The following MLIP variants were observed in gnomAD, a reference collection of about 807,000 sequenced individuals.
The protein encoded by MLIP is muscular LMNA interacting protein.
In MLIP, 79 loss-of-function variants were observed where a neutral mutation model predicts 84.8. The observed-to-expected ratio is 0.93, with a 90% CI of 0.78 to 1.12. The LOEUF (loss-of-function observed/expected upper bound fraction) is 1.12, where lower values mean the gene tolerates loss of function less well. Among genes scored for constraint, MLIP ranks in the 50% most tolerant of loss-of-function variants. The pLI, the probability that MLIP is intolerant of heterozygous loss-of-function variation, is 0.00. For missense variants in MLIP, 1,257 were observed against 1,160.6 expected (o/e 1.08, Z -1.21); for synonymous variants, 504 against 463.0 (o/e 1.09, Z -1.14).
chr6:54,076,980 A>G (rs1766843447), intron 1 of MLIP, among the ~76,000 whole-genome samples: 1 of 152,206 alleles, frequency 6.6e-6, no homozygotes, highest in Non-Finnish European at 1.5e-5. Flanking sequence ...GCTCTAGTCC[A>G]GGAGCAAAGG....
At chr6:54,260,934 T>C (rs1199678241) in intron 13 of MLIP, among the ~76,000 whole-genome samples, 1 of 151,904 alleles carries the variant, frequency 6.6e-6, no homozygotes, top group Non-Finnish European at 1.5e-5. Context: ...AAATACATGG[T>C]CACTGATGAA....
intron 1 of MLIP, among the ~76,000 whole-genome samples, chr6:54,118,907 C>A (rs551589543): frequency 6.6e-6 from 1 of 152,032 alleles, no homozygotes; most frequent in Non-Finnish European, 1.5e-5. Context: ...AGGTATATGG[C>A]CAATAGGTAT....
At chr6:54,171,359 T>C (rs1467562678) in intron 9 of MLIP, among the ~76,000 whole-genome samples, 1 of 151,640 alleles carries the variant, frequency 6.6e-6, no homozygotes, top group Non-Finnish European at 1.5e-5. Context: ...TTGACCTTAA[T>C]TAAAATTCGT....
At chr6:54,097,433 G>C (rs760655006) in intron 1 of MLIP, among the ~76,000 whole-genome samples, 6 of 152,122 alleles carry the variant, frequency 3.9e-5, no homozygotes, top group Non-Finnish European at 7.4e-5. Context: ...TAGTAAAGGA[G>C]GCTGAAGAGT....
chr6:54,192,446 A>G (rs779661562), intron 10 of MLIP, among the ~76,000 whole-genome samples: 1 of 152,050 alleles, frequency 6.6e-6, no homozygotes, highest in Non-Finnish European at 1.5e-5. Context: ...ATATTATAGG[A>G]CATGTACTTC....
At position 54,047,929 on chromosome 6, in the gene MLIP, C is replaced by G. The variant is rs146808997; in HGVS notation, c.63+28838C>G. 2.6e-5 allele frequency among the ~76,000 whole-genome samples: 4 copies of G among 152,294 alleles called. No homozygotes were observed. The East Asian group carries it at 7.7e-4, about 29-fold the overall frequency. ...ATGTACTATATGTAGGGCACAAACTCAGGACTGTGCTCTTAACTTCTCTGC... is the reference window on the plus strand; with the variant it reads ...ATGTACTATATGTAGGGCACAAACTGAGGACTGTGCTCTTAACTTCTCTGC... On this transcript the variant is annotated intron_variant, in intron 1 of 12. Transcript: ENST00000274897.
chr6:54,229,549 T>C (rs964380767), intron 11 of MLIP, among the ~76,000 whole-genome samples: 1 of 152,138 alleles, frequency 6.6e-6, no homozygotes, highest in African/African-American at 2.4e-5. Context: ...CCCCAGTATG[T>C]GTTGTTCCCC....
At chr6:54,188,022 T>C (rs1232176245) in intron 9 of MLIP, among the ~76,000 whole-genome samples, 1 of 152,140 alleles carries the variant, frequency 6.6e-6, no homozygotes, top group South Asian at 2.1e-4. Flanking sequence ...AAAAAATGTA[T>C]ATACATTAAC....
chr6:54,021,066 AT>A (rs1763473274), intron 1 of MLIP, among the ~76,000 whole-genome samples: 1 of 152,236 alleles, frequency 6.6e-6, no homozygotes. Flanking sequence ...AGGGTTTCCA[AT>A]AAAAGTTATT....
At chr6:54,261,756 C>T (rs966346915) in intron 13 of MLIP, 3 of 984,144 alleles carry the variant, frequency 3.0e-6, no homozygotes, top group African/African-American at 1.7e-5. Flanking sequence ...AAGCCACTCT[C>T]ATTTTCTGGT....
intron 1 of MLIP, among the ~76,000 whole-genome samples, chr6:54,112,748 T>C (rs775581439): frequency 2.6e-5 from 4 of 152,234 alleles, no homozygotes; most frequent in Non-Finnish European, 5.9e-5. Flanking sequence ...AACAATAAAT[T>C]AGAAAGAAAT....
intron 11 of MLIP, among the ~76,000 whole-genome samples, chr6:54,219,809 C>A (rs575426969): frequency 6.6e-6 from 1 of 152,306 alleles, no homozygotes; most frequent in East Asian, 1.9e-4. Flanking sequence ...TCAGGCCTTT[C>A]TAACTTGGGG....
chr6:54,042,087 C>A (rs1319541673), intron 1 of MLIP, among the ~76,000 whole-genome samples: 17 of 152,176 alleles, frequency 1.1e-4, no homozygotes, highest in South Asian at 4.1e-4. Flanking sequence ...TCAGGTTCTT[C>A]TACATAAGAA....
chr6:54,107,938 T>C (rs1665078149), upstream of MLIP, among the ~76,000 whole-genome samples: 1 of 152,222 alleles, frequency 6.6e-6, no homozygotes, highest in African/African-American at 2.4e-5. Context: ...TACATGTTTC[T>C]TGGCAAACTT....
intron 1 of MLIP, among the ~76,000 whole-genome samples, chr6:54,093,329 A>AATTCAATTCTATTCT (rs377029001): frequency 3.4e-4 from 45 of 134,076 alleles, no homozygotes; most frequent in African/African-American, 1.2e-3. Context: ...TTTTCGATTA[A>AATTCAATTCTATTCT]ATTCTATTCT....
chr6:54,092,895 A>C (rs559274673), intron 1 of MLIP, among the ~76,000 whole-genome samples: 41 of 151,700 alleles, frequency 2.7e-4, no homozygotes, highest in African/African-American at 9.0e-4. Context: ...CTTTTGAGAG[A>C]GAGTCTTCAC....
At chr6:54,252,997 G>C (rs1782746306) in intron 12 of MLIP, among the ~76,000 whole-genome samples, 1 of 152,000 alleles carries the variant, frequency 6.6e-6, no homozygotes, top group Admixed American at 6.6e-5. Flanking sequence ...TCGGAAAACT[G>C]TTTCTTTTCT....
intron 9 of MLIP, among the ~76,000 whole-genome samples, chr6:54,184,569 A>C (rs1777206702): frequency 6.6e-6 from 1 of 152,220 alleles, no homozygotes; most frequent in Non-Finnish European, 1.5e-5. Context: ...AGGTTTCTCC[A>C]AAGCTGGCTT....
chr6:54,161,460 A>G (rs536707860), intron 8 of MLIP, among the ~76,000 whole-genome samples: 1 of 151,886 alleles, frequency 6.6e-6, no homozygotes, highest in African/African-American at 2.4e-5. Context: ...TCTCCAAATT[A>G]TTTTTTTCAA....
Sources: allele counts gnomAD v4.1 joint callset (sites outside exome capture counted in the v4.1 genomes callset), GRCh38; gene constraint gnomAD v4.1.1; transcripts MANE v1.5; gene names NCBI Gene and HGNC (gene_info 2026-07-23, HGNC 2026-07-21).